The following FANCA variants were observed in gnomAD, a reference collection of about 807,000 sequenced individuals.
The protein encoded by FANCA is Fanconi anemia group A protein.
In FANCA, 236 loss-of-function variants were observed where a neutral mutation model predicts 194.3. The observed-to-expected ratio is 1.21, with a 90% CI of 1.09 to 1.35. The LOEUF is 1.35. Ranked by LOEUF, FANCA falls within the 40% of genes most tolerant of loss-of-function variation. The probability of loss-of-function intolerance (pLI) is 0.00; values close to 1 mark genes in which losing one functional copy is unlikely to be tolerated. For synonymous variants in FANCA, 1,014 were observed against 715.8 expected (o/e 1.42, Z -6.65); for missense variants, 2,628 against 1,813.9 (o/e 1.45, Z -8.15).
chr16:89,796,159 A>G, intron 10 of FANCA, 141 bp from the exon 11 acceptor site: 1 of 715,330 alleles, frequency 1.4e-6, no homozygotes, highest in Non-Finnish European at 2.5e-6. Flanking sequence ...CTATAACCAC[A>G]GACTTGAAAC....
At chr16:89,748,380 A>G (rs1283986804) in intron 33 of FANCA, among the ~76,000 whole-genome samples, 1 of 152,262 alleles carries the variant, frequency 6.6e-6, no homozygotes, top group Non-Finnish European at 1.5e-5. Flanking sequence ...AATGGTCTGT[A>G]CGATTCCATG....
At chr16:89,809,012 T>A (rs1019782013) in intron 5 of FANCA, among the ~76,000 whole-genome samples, 8 of 151,828 alleles carry the variant, frequency 5.3e-5, no homozygotes, top group African/African-American at 1.7e-4. Flanking sequence ...TTCACGCCAT[T>A]CTCCTGCCTC....
At chr16:89,809,191 C>A (rs1325468634) in intron 5 of FANCA, among the ~76,000 whole-genome samples, 1 of 151,084 alleles carries the variant, frequency 6.6e-6, no homozygotes, top group Non-Finnish European at 1.5e-5. Context: ...CAGGTGTGAG[C>A]CACTGGGCCC....
intron 29 of FANCA, among the ~76,000 whole-genome samples, chr16:89,759,175 C>G (rs1430256349): frequency 6.6e-6 from 1 of 151,420 alleles, no homozygotes; most frequent in Non-Finnish European, 1.5e-5. Flanking sequence ...AAAAAATTAG[C>G]CGGGCGTGGT....
Position 89,815,909 on chromosome 16 carries a change from T to C in FANCA, c.157A>G (p.Ser53Gly), listed in dbSNP as rs61757383. The part of the protein sequence containing the change: ...LKESAVRLLR[S>G]HQDLNALLLE... Reference sequence around the variant, plus strand: ...AAAAGGGCATTCAGGTCCTGATGGCTTCGCAGGAGGCGCACAGCTGATTCC... The same window carrying C: ...AAAAGGGCATTCAGGTCCTGATGGCCTCGCAGGAGGCGCACAGCTGATTCC... Residue 53 changes from serine to glycine, a missense_variant, in exon 2 of 43, where the codon AGC becomes GGC. Ser to Gly is a moderately conservative substitution (Grantham distance 56, BLOSUM62 0). Coordinates refer to ENST00000389301, the MANE Select transcript of FANCA (RefSeq NM_000135.4). 1.9e-6 allele frequency: 3 copies of C among 1,614,144 alleles called. No individual in the cohort carries two copies. Among genetic ancestry groups the C allele is most frequent in the Non-Finnish European group, 8.5e-7 (1 of 1,179,978 alleles).
intron 3 of FANCA, among the ~76,000 whole-genome samples, chr16:89,812,355 A>C (rs2040918767): frequency 6.7e-6 from 1 of 149,956 alleles, no homozygotes; most frequent in African/African-American, 2.5e-5. Flanking sequence ...CAAAACAAAA[A>C]AAAACTGGAG....
chr16:89,737,593 A>T lies in FANCA; in HGVS notation c.*1008T>A, dbSNP rs1459601600. 1.3e-5 allele frequency: 11 copies of T among 839,224 alleles called. No homozygotes were observed. Among genetic ancestry groups the T allele is most frequent in the Admixed American group, 3.1e-5 (1 of 31,814 alleles). The allele number at this position is 839,224 out of a possible 1,614,324, so 52.0% of individuals were successfully genotyped here. A position where few individuals can be genotyped will look rare whatever the true frequency, so the allele number is the denominator to read the frequency against. The stretch of plus-strand genomic sequence containing the variant: ...AGGTTTCTTTAAAAACCATCCTGAA[A>T]TGCACACAGCTGATGAAGCCACGTG... On this transcript the variant is annotated 3_prime_UTR_variant, in exon 43 of 43. Coordinates refer to ENST00000389301, the MANE Select transcript of FANCA (RefSeq NM_000135.4).
chr16:89,784,998 G>C (rs753465332), intron 14 of FANCA, 34 bp from the exon 15 acceptor site: 8 of 1,503,406 alleles, frequency 5.3e-6, no homozygotes, highest in Non-Finnish European at 6.5e-6. Flanking sequence ...GCCCAGGACA[G>C]CCAGGCGCGG....
intron 18 of FANCA, among the ~76,000 whole-genome samples, 179 bp downstream of exon 18, chr16:89,779,690 C>G (rs760482261): frequency 5.3e-5 from 8 of 152,232 alleles, no homozygotes; most frequent in Non-Finnish European, 8.8e-5. Flanking sequence ...GCCAACCTGC[C>G]CCATGTGGCT....
intron 11 of FANCA, among the ~76,000 whole-genome samples, chr16:89,794,864 G>T (rs1263137416): frequency 6.6e-6 from 1 of 152,198 alleles, no homozygotes; most frequent in South Asian, 2.1e-4. Context: ...ACGCCACCGA[G>T]TCTAGCTGAG....
chr16:89,773,424 A>G, intron 21 of FANCA, 40 bp from the exon 22 acceptor site: 2 of 1,388,124 alleles, frequency 1.4e-6, no homozygotes, highest in Non-Finnish European at 2.0e-6. Context: ...AAGACACTCA[A>G]CAGGACTCTT....
chr16:89,768,816 AAG>A (rs1219877994), intron 26 of FANCA, among the ~76,000 whole-genome samples: 1 of 152,044 alleles, frequency 6.6e-6, no homozygotes, highest in Admixed American at 6.6e-5. Flanking sequence ...CTGTGTTTCT[AAG>A]AGAGGATGGC....
chr16:89,791,297 G>C, intron 14 of FANCA, 106 bp downstream of exon 14: 3 of 1,458,564 alleles, frequency 2.1e-6, no homozygotes, highest in Non-Finnish European at 2.8e-6. Flanking sequence ...CTGACAGCAA[G>C]GTTGCTCACT....
intron 30 of FANCA, among the ~76,000 whole-genome samples, chr16:89,753,770 T>C (rs2038677051): frequency 6.6e-6 from 1 of 152,144 alleles, no homozygotes. Context: ...AACACTGCAC[T>C]GGGGACAGAC....
At chr16:89,800,253 G>A (rs1276108452) in intron 8 of FANCA, among the ~76,000 whole-genome samples, 1 of 152,194 alleles carries the variant, frequency 6.6e-6, no homozygotes, top group Non-Finnish European at 1.5e-5. Context: ...TGGAACTAAG[G>A]ACTTTCACCC....
intron 11 of FANCA, among the ~76,000 whole-genome samples, chr16:89,794,175 C>T (rs188503799): frequency 1.2e-4 from 19 of 152,268 alleles, no homozygotes; most frequent in Admixed American, 8.5e-4. Flanking sequence ...TTCTCAGGCC[C>T]GGTTACTTAC....
In FANCA at chr16:89,738,137, T is replaced by A. The variant is rs755648038; in HGVS notation, c.*464A>T. 6.2e-7 allele frequency: 1 copy of A among 1,613,640 alleles called. No individual in the cohort carries two copies. Among genetic ancestry groups the A allele is most frequent in the South Asian group, 1.1e-5 (1 of 91,072 alleles). On this transcript the variant is annotated 3_prime_UTR_variant, in exon 43 of 43. Transcript: ENST00000389301. Reference sequence around the variant, plus strand: ...GTACACATGTCCATGGTGCACCCGCTGACACAGACCCAGGACAAGGCCCTG... The same window carrying A: ...GTACACATGTCCATGGTGCACCCGCAGACACAGACCCAGGACAAGGCCCTG...
intron 10 of FANCA, chr16:89,798,878 G>A: frequency 6.4e-7 from 1 of 1,567,478 alleles, no homozygotes; most frequent in Non-Finnish European, 8.6e-7. Context: ...CACACAGGAG[G>A]AGGTCACAGT....
intron 11 of FANCA, among the ~76,000 whole-genome samples, chr16:89,794,061 T>A (rs1428382860): frequency 6.8e-6 from 1 of 147,568 alleles, no homozygotes; most frequent in Non-Finnish European, 1.5e-5. Context: ...AAAAGTTGTG[T>A]TTCAAAGCTT....
Sources: gnomAD v4.1 joint callset for allele counts (sites outside exome capture counted in the v4.1 genomes callset) on GRCh38, gnomAD v4.1.1 for gene constraint, MANE v1.5 for transcripts, NCBI Gene and HGNC (gene_info 2026-07-23, HGNC 2026-07-21) for gene names.